Variants in ARHGAP15 observed in about 807,000 individuals in gnomAD.
ARHGAP15 encodes the protein rho GTPase-activating protein 15.
Under a neutral mutation model 63.7 loss-of-function variants are expected in ARHGAP15, and 51 were observed. The observed-to-expected ratio is 0.80, with a 90% CI of 0.64 to 1.01. ARHGAP15 has a LOEUF of 1.01. Ranked by LOEUF, ARHGAP15 falls within the 50% of genes least tolerant of loss-of-function variation. The pLI is 0.00. For synonymous variants in ARHGAP15, 191 were observed against 193.8 expected (o/e 0.99, Z 0.12); for missense variants, 560 against 564.6 (o/e 0.99, Z 0.08).
chr2:143,402,108 C>A (rs1688011318), intron 6 of ARHGAP15, among the ~76,000 whole-genome samples: 1 of 151,764 alleles, frequency 6.6e-6, no homozygotes, highest in Non-Finnish European at 1.5e-5. Flanking sequence ...AACAATAGCA[C>A]CAGATTTACT....
chr2:143,478,565 C>CT (rs1381830240), intron 8 of ARHGAP15, among the ~76,000 whole-genome samples: 12 of 152,290 alleles, frequency 7.9e-5, no homozygotes, highest in African/African-American at 2.9e-4. Flanking sequence ...TGCTACTTGG[C>CT]TTAACTTCTC....
chr2:143,142,644 G>A (rs79981239), intron 1 of ARHGAP15, among the ~76,000 whole-genome samples: 64 of 152,210 alleles, frequency 4.2e-4, no homozygotes, highest in African/African-American at 1.5e-3. Flanking sequence ...TTGTAAGGGA[G>A]ATGAAAGAGA....
At chr2:143,498,021 AC>A (rs1175183494) in intron 9 of ARHGAP15, among the ~76,000 whole-genome samples, 1 of 152,216 alleles carries the variant, frequency 6.6e-6, no homozygotes, top group Non-Finnish European at 1.5e-5. Context: ...ATTAATATCC[AC>A]AATTCATTTT....
intron 12 of ARHGAP15, among the ~76,000 whole-genome samples, chr2:143,679,317 T>C (rs1206377428): frequency 6.6e-6 from 1 of 152,168 alleles, no homozygotes; most frequent in Admixed American, 6.5e-5. Flanking sequence ...TAATAACCCA[T>C]AAGACAAATA....
chr2:143,472,191 T>A (rs1367543376), intron 8 of ARHGAP15, among the ~76,000 whole-genome samples: 1 of 152,198 alleles, frequency 6.6e-6, no homozygotes, highest in Non-Finnish European at 1.5e-5. Context: ...TCCACATTTA[T>A]CAAATCAGAC....
At chr2:143,320,419 C>CCGCCCCCCCA in intron 6 of ARHGAP15, among the ~76,000 whole-genome samples, 1 of 106,866 alleles carries the variant, frequency 9.4e-6, no homozygotes. Context: ...CCCCCCCCCC[C>CCGCCCCCCCA]CCCAGAGATC....
chr2:143,389,041 C>A (rs1182073991), intron 6 of ARHGAP15, among the ~76,000 whole-genome samples: 1 of 150,600 alleles, frequency 6.6e-6, no homozygotes, highest in East Asian at 1.9e-4. Flanking sequence ...GTCTCATATG[C>A]CTTGATAATT....
At chr2:143,689,735 T>A (rs1416622970) in intron 12 of ARHGAP15, among the ~76,000 whole-genome samples, 1 of 152,190 alleles carries the variant, frequency 6.6e-6, no homozygotes, top group Non-Finnish European at 1.5e-5. Flanking sequence ...GCATAAAGCA[T>A]TAGAATTCCA....
At chr2:143,673,542 C>A (rs975937560) in intron 12 of ARHGAP15, among the ~76,000 whole-genome samples, 4 of 151,408 alleles carry the variant, frequency 2.6e-5, no homozygotes, top group African/African-American at 9.7e-5. Context: ...CAGTGATATA[C>A]CTGCCTTGGC....
intron 6 of ARHGAP15, among the ~76,000 whole-genome samples, chr2:143,279,880 G>C (rs532839576): frequency 6.6e-6 from 1 of 152,134 alleles, no homozygotes; most frequent in Non-Finnish European, 1.5e-5. Flanking sequence ...TGGTGCAGCA[G>C]CTCATTACAG....
At chr2:143,710,755 G>A (rs1684544609) in intron 13 of ARHGAP15, among the ~76,000 whole-genome samples, 1 of 152,064 alleles carries the variant, frequency 6.6e-6, no homozygotes, top group African/African-American at 2.4e-5. Context: ...ATGAATCTTG[G>A]CCTTTAACCT....
intron 10 of ARHGAP15, among the ~76,000 whole-genome samples, chr2:143,520,925 G>A (rs1694037991): frequency 6.6e-6 from 1 of 152,158 alleles, no homozygotes; most frequent in South Asian, 2.1e-4. Flanking sequence ...ACGAAAAACT[G>A]CTAGATGCAG....
At chr2:143,434,487 G>T (rs1481939892) in intron 6 of ARHGAP15, among the ~76,000 whole-genome samples, 1 of 152,036 alleles carries the variant, frequency 6.6e-6, no homozygotes, top group East Asian at 1.9e-4. Flanking sequence ...GGTAGTAATT[G>T]TCACTTTAAT....
At chr2:143,239,281 C>T (rs1174080061) in intron 5 of ARHGAP15, among the ~76,000 whole-genome samples, 6 of 152,114 alleles carry the variant, frequency 3.9e-5, no homozygotes, top group Non-Finnish European at 8.8e-5. Context: ...TTAACACTTC[C>T]ATTACCTAAT....
chr2:143,532,154 T>A (rs1694548073), intron 10 of ARHGAP15, among the ~76,000 whole-genome samples: 2 of 152,230 alleles, frequency 1.3e-5, no homozygotes, highest in South Asian at 4.1e-4. Flanking sequence ...CAGCCTCACA[T>A]TGCTTTTCTA....
chr2:143,219,045 G>C (rs1461443294), intron 4 of ARHGAP15, among the ~76,000 whole-genome samples: 1 of 152,186 alleles, frequency 6.6e-6, no homozygotes, highest in Non-Finnish European at 1.5e-5. Context: ...TTTAAATCTA[G>C]TTCATTTCTT....
intron 9 of ARHGAP15, among the ~76,000 whole-genome samples, chr2:143,507,938 T>A (rs139985845): frequency 1.1e-3 from 173 of 151,780 alleles, no homozygotes; most frequent in African/African-American, 3.7e-3. Flanking sequence ...ACCCCCCTGA[T>A]GAGCCTTCCT....
intron 11 of ARHGAP15, chr2:143,587,701 C>A (rs1025902257): frequency 1.1e-5 from 5 of 468,944 alleles, no homozygotes; most frequent in African/African-American, 2.0e-5. Flanking sequence ...TCTGGAATAC[C>A]AGCCCTTCTA....
chr2:143,524,737 G>A (rs1037021422), intron 10 of ARHGAP15, among the ~76,000 whole-genome samples: 5 of 152,160 alleles, frequency 3.3e-5, no homozygotes, highest in Non-Finnish European at 5.9e-5. Context: ...ACGAGAAAGC[G>A]TGGCTGGACA....
Sources: allele counts gnomAD v4.1 joint callset (sites outside exome capture counted in the v4.1 genomes callset), GRCh38; gene constraint gnomAD v4.1.1; transcripts MANE v1.5; gene names NCBI Gene and HGNC (gene_info 2026-07-23, HGNC 2026-07-21).